Variants in SLC35F4 observed in about 807,000 individuals in gnomAD.
SLC35F4 encodes solute carrier family 35 member F4.
SLC35F4 carries 24 observed loss-of-function variants against 44.2 expected under a neutral mutation model. The ratio of observed to expected loss-of-function variants is 0.54; its 90% CI spans 0.39 to 0.76. The LOEUF (loss-of-function observed/expected upper bound fraction) is 0.76. Ranked by LOEUF, SLC35F4 falls within the 30% of genes least tolerant of loss-of-function variation. SLC35F4 has a pLI of 0.00. For missense variants in SLC35F4, 562 were observed against 586.1 expected (o/e 0.96, Z 0.42); for synonymous variants, 238 against 223.6 (o/e 1.06, Z -0.57).
intron 1 of SLC35F4, among the ~76,000 whole-genome samples, chr14:57,830,955 A>C (rs1884309266): frequency 6.6e-6 from 1 of 152,184 alleles, no homozygotes; most frequent in Admixed American, 6.5e-5. Context: ...ACCAGCACTT[A>C]TTTGAAGCAC....
chr14:57,667,647 C>T (rs558451625), intron 1 of SLC35F4, among the ~76,000 whole-genome samples: 3 of 151,694 alleles, frequency 2.0e-5, no homozygotes, highest in East Asian at 1.9e-4. Context: ...ATCCATGTCC[C>T]TACAAAGGAC....
At chr14:57,867,600 A>ACCCCC (rs550889807), upstream of SLC35F4, among the ~76,000 whole-genome samples, 1 of 100,938 alleles carries the variant, frequency 9.9e-6, no homozygotes, top group East Asian at 1.1e-3. Flanking sequence ...TTATGCCTTT[A>ACCCCC]CACCCCCCCC....
chr14:57,757,587 A>C (rs1056054701), intron 1 of SLC35F4, among the ~76,000 whole-genome samples: 2 of 152,096 alleles, frequency 1.3e-5, no homozygotes, highest in African/African-American at 4.8e-5. Flanking sequence ...CATGTCTAAA[A>C]CTTATTATAG....
At chr14:57,768,233 A>G (rs1378919800) in intron 1 of SLC35F4, among the ~76,000 whole-genome samples, 1 of 152,224 alleles carries the variant, frequency 6.6e-6, no homozygotes, top group African/African-American at 2.4e-5. Context: ...GTTTACCTAC[A>G]TCAAAATGCT....
chr14:57,625,250 T>G (rs1225961667), intron 1 of SLC35F4, among the ~76,000 whole-genome samples: 1 of 152,090 alleles, frequency 6.6e-6, no homozygotes. Flanking sequence ...ACAAGGGATG[T>G]GAAGGACCTC....
At chr14:57,847,353 G>C (rs1314153814) in intron 1 of SLC35F4, among the ~76,000 whole-genome samples, 10 of 152,132 alleles carry the variant, frequency 6.6e-5, no homozygotes, top group Non-Finnish European at 1.2e-4. Context: ...GCAGCAACTT[G>C]AGAACCACTT....
chr14:57,892,536 T>C (rs890316801), intron 1 of SLC35F4, among the ~76,000 whole-genome samples: 12 of 152,218 alleles, frequency 7.9e-5, no homozygotes, highest in African/African-American at 2.9e-4. Flanking sequence ...AGAACCACTT[T>C]GCAGAACAGA....
At chr14:57,956,154 G>A (rs1285946244) in intron 1 of SLC35F4, among the ~76,000 whole-genome samples, 1 of 152,130 alleles carries the variant, frequency 6.6e-6, no homozygotes, top group Non-Finnish European at 1.5e-5. Context: ...TCAACCATCT[G>A]ATCTTTGACA....
chr14:57,775,980 A>T (rs1041976171), intron 1 of SLC35F4, among the ~76,000 whole-genome samples: 15 of 152,222 alleles, frequency 9.9e-5, no homozygotes, highest in Admixed American at 9.2e-4. Flanking sequence ...GAGCTGAAAA[A>T]CATGCTACAA....
At chr14:57,982,420 G>A (rs2141102183), upstream of SLC35F4, among the ~76,000 whole-genome samples, 1 of 152,288 alleles carries the variant, frequency 6.6e-6, no homozygotes, top group African/African-American at 2.4e-5. Context: ...CACCAGCTAT[G>A]TCCACAGCTG....
chr14:57,569,665 G>T, intron 6 of SLC35F4, 123 bp downstream of exon 6: 2 of 1,135,064 alleles, frequency 1.8e-6, no homozygotes, highest in African/African-American at 1.6e-5. Flanking sequence ...CAACGACATT[G>T]AACAACATAA....
chr14:57,868,064 T>C (rs1277615485), upstream of SLC35F4, among the ~76,000 whole-genome samples: 1 of 152,188 alleles, frequency 6.6e-6, no homozygotes, highest in African/African-American at 2.4e-5. Flanking sequence ...TCCATAGAAG[T>C]AGATAAAAAT....
chr14:57,717,514 T>C (rs2075973970), intron 1 of SLC35F4, among the ~76,000 whole-genome samples: 1 of 152,092 alleles, frequency 6.6e-6, no homozygotes, highest in Admixed American at 6.5e-5. Flanking sequence ...CGGGCGCCTG[T>C]AGTCCCAGCT....
intron 4 of SLC35F4, chr14:57,579,094 T>C (rs1445576929): frequency 6.6e-6 from 1 of 152,266 alleles, no homozygotes; most frequent in Non-Finnish European, 1.5e-5. Context: ...CTTCTGTGTG[T>C]GTCTCTTTTG....
rs559020387 is a variant in SLC35F4, at chr14:57,644,683, C to A, written c.104-50559G>T. On this transcript the variant is annotated intron_variant, in intron 1 of 7. Coordinates refer to ENST00000556826, the MANE Select transcript of SLC35F4 (RefSeq NM_001306087.2). ...CTTTTGGTGTTTTAGACATGAAGTC[C>A]TTGCCCATGCCTATGTCTTGAATGG... 2.9e-3 allele frequency among the ~76,000 whole-genome samples: 448 copies of A among 152,252 alleles called. 2 individuals are homozygous for A. Among genetic ancestry groups the A allele is most frequent in the African/African-American group, 9.5e-3 (393 of 41,562 alleles).
At chr14:57,924,650 T>C (rs1594628217) in intron 1 of SLC35F4, among the ~76,000 whole-genome samples, 2 of 152,122 alleles carry the variant, frequency 1.3e-5, no homozygotes, top group East Asian at 3.9e-4. Context: ...GGTTTCACCG[T>C]GTTAGCCAGG....
At chr14:57,921,566 C>T (rs1005014715) in intron 1 of SLC35F4, among the ~76,000 whole-genome samples, 10 of 152,152 alleles carry the variant, frequency 6.6e-5, no homozygotes, top group Admixed American at 4.6e-4. Context: ...AATGGATTGT[C>T]GCCCAGTTCT....
intron 1 of SLC35F4, among the ~76,000 whole-genome samples, chr14:57,757,736 T>G (rs1277200289): frequency 1.3e-5 from 2 of 152,164 alleles, no homozygotes; most frequent in East Asian, 3.8e-4. Flanking sequence ...CCCCAGACTA[T>G]ACTGTTGTTT....
At chr14:57,670,342 C>G (rs1036536828) in intron 1 of SLC35F4, among the ~76,000 whole-genome samples, 3 of 152,022 alleles carry the variant, frequency 2.0e-5, no homozygotes, top group Non-Finnish European at 4.4e-5. Context: ...CAGTTGTGCT[C>G]AGATCTTAAG....
Sources: gnomAD v4.1 joint callset for allele counts (sites outside exome capture counted in the v4.1 genomes callset) on GRCh38, gnomAD v4.1.1 for gene constraint, MANE v1.5 for transcripts, NCBI Gene and HGNC (gene_info 2026-07-23, HGNC 2026-07-21) for gene names.